Variants in DCDC1 observed in about 807,000 individuals in gnomAD.
The protein encoded by DCDC1 is doublecortin domain containing 1, also known as doublecortin domain-containing protein 1.
A neutral mutation model predicts 178.3 loss-of-function variants in DCDC1; 200 were observed. That is an observed-to-expected ratio of 1.12 (90% CI 1.00 to 1.26). DCDC1 has a LOEUF of 1.26. Ranked by LOEUF, DCDC1 falls within the 50% of genes most tolerant of loss-of-function variation. The pLI is 0.00. For missense variants in DCDC1, 1,983 were observed against 1,749.2 expected, an observed-to-expected ratio of 1.13 and a Z score of -2.38; for synonymous variants, 690 against 604.8, an observed-to-expected ratio of 1.14 and a Z score of -2.07.
At chr11:31,357,817 A>C (rs1951469786) in intron 1 of DCDC1, among the ~76,000 whole-genome samples, 1 of 151,960 alleles carries the variant, frequency 6.6e-6, no homozygotes. Flanking sequence ...GAGCCAAATC[A>C]TGAGTGAACT....
chr11:31,236,123 A>G (rs576190333), intron 9 of DCDC1, among the ~76,000 whole-genome samples: 1 of 152,070 alleles, frequency 6.6e-6, no homozygotes, highest in East Asian at 1.9e-4. Flanking sequence ...GAAATGTTCC[A>G]TGAAGATAAA....
chr11:31,308,354 T>C (rs955748649), intron 3 of DCDC1, among the ~76,000 whole-genome samples: 7 of 152,236 alleles, frequency 4.6e-5, no homozygotes, highest in African/African-American at 1.7e-4. Flanking sequence ...ATGTGGGTCC[T>C]ACCCTCAAGA....
At chr11:31,138,806 A>T (rs544041233) in intron 9 of DCDC1, among the ~76,000 whole-genome samples, 1 of 152,224 alleles carries the variant, frequency 6.6e-6, no homozygotes, top group African/African-American at 2.4e-5. Flanking sequence ...AGGTTCAAAA[A>T]TATGACCTCT....
chr11:30,878,905 A>G (rs1228244792), intron 37 of DCDC1, among the ~76,000 whole-genome samples, 194 bp from the exon 38 acceptor site: 1 of 152,112 alleles, frequency 6.6e-6, no homozygotes, highest in African/African-American at 2.4e-5. Context: ...AGAGAATGGA[A>G]GTTGCTAGAG....
At chr11:31,253,497 ATAAGAAT>A (rs746743821) in intron 8 of DCDC1, among the ~76,000 whole-genome samples, 4 of 152,142 alleles carry the variant, frequency 2.6e-5, no homozygotes, top group Non-Finnish European at 5.9e-5. Flanking sequence ...AGTTAAAGAA[ATAAGAAT>A]GATACACAAA....
At chr11:31,102,823 T>C (rs1428006785) in intron 14 of DCDC1, among the ~76,000 whole-genome samples, 1 of 152,224 alleles carries the variant, frequency 6.6e-6, no homozygotes, top group African/African-American at 2.4e-5. Flanking sequence ...ACAAAGTGTG[T>C]GTCCATCATC....
At chr11:30,875,157 G>A (rs916794678) in intron 38 of DCDC1, among the ~76,000 whole-genome samples, 11 of 152,066 alleles carry the variant, frequency 7.2e-5, no homozygotes, top group African/African-American at 2.7e-4. Flanking sequence ...ACGGTTACAC[G>A]GTCAGTCCAT....
chr11:31,350,258 A>T (rs561469519), intron 1 of DCDC1, among the ~76,000 whole-genome samples: 69 of 152,268 alleles, frequency 4.5e-4, no homozygotes, highest in African/African-American at 1.7e-3. Context: ...TGAACATTTA[A>T]TTTTTACAAT....
intron 34 of DCDC1, among the ~76,000 whole-genome samples, chr11:30,895,970 T>C (rs956924983): frequency 6.6e-6 from 1 of 152,216 alleles, no homozygotes; most frequent in Non-Finnish European, 1.5e-5. Flanking sequence ...TTATCATTTA[T>C]ACTGCTGAGA....
chr11:31,164,054 T>C (rs1966556663), intron 9 of DCDC1, among the ~76,000 whole-genome samples: 1 of 152,130 alleles, frequency 6.6e-6, no homozygotes, highest in South Asian at 2.1e-4. Context: ...CCACTATACT[T>C]ATGTAGGAAT....
At chr11:31,242,191 C>T (rs1424926953) in intron 8 of DCDC1, among the ~76,000 whole-genome samples, 1 of 151,830 alleles carries the variant, frequency 6.6e-6, no homozygotes, top group Non-Finnish European at 1.5e-5. Context: ...TTTATCATAC[C>T]TTTCTTTTTT....
At chr11:31,127,243 T>C (rs1961771248) in intron 11 of DCDC1, among the ~76,000 whole-genome samples, 1 of 152,348 alleles carries the variant, frequency 6.6e-6, no homozygotes, top group East Asian at 1.9e-4. Flanking sequence ...CTTTTCTGAA[T>C]TGGAAACTAG....
intron 26 of DCDC1, among the ~76,000 whole-genome samples, chr11:30,915,975 G>A (rs1945804280): frequency 6.6e-6 from 1 of 151,868 alleles, no homozygotes; most frequent in African/African-American, 2.4e-5. Flanking sequence ...CGTTAGCAAA[G>A]AAAAAAGAAC....
chr11:31,004,681 CAAA>C (rs201483189), intron 20 of DCDC1, among the ~76,000 whole-genome samples: 322 of 72,534 alleles, frequency 4.4e-3, no homozygotes, highest in African/African-American at 0.015. Flanking sequence ...CACTCTGTCT[CAAA>C]AAAAAAAAAA....
At chr11:30,882,430 T>C (rs139563028) in intron 36 of DCDC1, 1 of 143,156 alleles carries the variant, frequency 7.0e-6, no homozygotes, top group Non-Finnish European at 1.6e-5. Context: ...CTTTTTTTAA[T>C]GTTATCTATT....
rs180930462 is a variant in DCDC1, at chr11:31,151,720, G to A, written c.1222-13936C>T. Among the ~76,000 whole-genome samples, 195 of 152,238 alleles carry A rather than the reference G, an allele frequency of 1.3e-3. 1 individual carries two copies. Among genetic ancestry groups the A allele is most frequent in the African/African-American group, 4.1e-3 (171 of 41,544 alleles). On this transcript the variant is annotated intron_variant, in intron 9 of 38. Transcript: ENST00000684477. Reference sequence around the variant, plus strand: ...CGTGAATGTTATGTTTACAGAAATGGTATCACATCGCCATATTAGTTGACA... The same window carrying A: ...CGTGAATGTTATGTTTACAGAAATGATATCACATCGCCATATTAGTTGACA...
Position 31,191,212 on chromosome 11 carries a change from T to TC in DCDC1, c.1221+50237dup, listed in dbSNP as rs560135637. ...TACAAATGTAACCATCCATTTTTTT[T>TC]CTAACAATTTTTGATCCATGGTTGG... On this transcript the variant is annotated intron_variant, in intron 9 of 38. Transcript: ENST00000684477. Among the ~76,000 whole-genome samples the TC allele has an allele frequency of 1.2e-3, 187 of 152,222 alleles. 1 individual carries two copies. The highest frequency in any genetic ancestry group is 1.9e-3 in the Non-Finnish European group (131 of 67,988).
intron 9 of DCDC1, among the ~76,000 whole-genome samples, chr11:31,203,650 T>C (rs566847018): frequency 6.6e-6 from 1 of 152,254 alleles, no homozygotes; most frequent in African/African-American, 2.4e-5. Context: ...AGAGTTGATG[T>C]CTCCTTCCAC....
intron 13 of DCDC1, among the ~76,000 whole-genome samples, chr11:31,106,518 C>G (rs1839621064): frequency 6.6e-6 from 1 of 152,176 alleles, no homozygotes; most frequent in Non-Finnish European, 1.5e-5. Context: ...ATTAAGGTGA[C>G]TACTCAGACA....
Sources: allele counts gnomAD v4.1 joint callset (sites outside exome capture counted in the v4.1 genomes callset), GRCh38; gene constraint gnomAD v4.1.1; transcripts MANE v1.5; gene names NCBI Gene and HGNC (gene_info 2026-07-23, HGNC 2026-07-21).